PPP2R2C: variants seen among roughly 807,000 people sequenced by gnomAD.
The protein encoded by PPP2R2C is protein phosphatase 2, regulatory subunit B, gamma.
In PPP2R2C, 10 loss-of-function variants were observed where a neutral mutation model predicts 45.3. That is an observed-to-expected ratio of 0.22 (90% confidence interval 0.14 to 0.37). PPP2R2C has a LOEUF of 0.37. Among genes scored for constraint, PPP2R2C ranks in the 10% least tolerant of loss-of-function variants. The probability of loss-of-function intolerance (pLI) is 1.00; values close to 1 mark genes in which losing one functional copy is unlikely to be tolerated. For missense variants in PPP2R2C, 308 were observed against 619.7 expected (o/e 0.50, Z 5.34); for synonymous variants, 257 against 245.4 (o/e 1.05, Z -0.44).
At chr4:6,355,985 T>A (rs1713142534) in intron 5 of PPP2R2C, among the ~76,000 whole-genome samples, 1 of 82,384 alleles carries the variant, frequency 1.2e-5, no homozygotes, top group South Asian at 5.2e-4. Context: ...AGAGTGAGAC[T>A]CTGCCTGGAA....
At chr4:6,327,336 G>A (rs1011827704) in intron 8 of PPP2R2C, among the ~76,000 whole-genome samples, 4 of 152,174 alleles carry the variant, frequency 2.6e-5, no homozygotes, top group Admixed American at 1.3e-4. Context: ...TAAAGTGCAC[G>A]CAGGAAGTGG....
intron 2 of PPP2R2C, 75 bp downstream of exon 2, chr4:6,380,922 C>T: frequency 1.4e-6 from 2 of 1,451,936 alleles, no homozygotes; most frequent in Non-Finnish European, 1.8e-6. Context: ...TCCTTATCCC[C>T]TCCCACCATG....
chr4:6,510,981 A>AAC (rs771282762), intron 2 of PPP2R2C, among the ~76,000 whole-genome samples: 821 of 62,250 alleles, frequency 0.013, 12 homozygotes, highest in South Asian at 0.047. Flanking sequence ...CGTCTCAAAC[A>AAC]AAAAAAAACA....
intron 1 of PPP2R2C, among the ~76,000 whole-genome samples, chr4:6,389,263 A>G (rs1259415208): frequency 6.6e-6 from 1 of 152,184 alleles, no homozygotes; most frequent in Admixed American, 6.5e-5. Flanking sequence ...TGCAGACAGG[A>G]GATGAAGATG....
At chr4:6,512,356 CTGATGG>C (rs1560595279) in intron 2 of PPP2R2C, among the ~76,000 whole-genome samples, 2 of 2,088 alleles carry the variant, frequency 9.6e-4, no homozygotes, top group Non-Finnish European at 8.9e-4. Flanking sequence ...GGTGATGGTG[CTGATGG>C]TGGTGGTGGT....
chr4:6,392,727 C>T (rs1716739961), intron 1 of PPP2R2C, among the ~76,000 whole-genome samples: 1 of 152,216 alleles, frequency 6.6e-6, no homozygotes, highest in African/African-American at 2.4e-5. Context: ...TTTTATTCTG[C>T]ATGAGCTGGG....
intron 1 of PPP2R2C, among the ~76,000 whole-genome samples, chr4:6,385,728 C>T (rs1716163882): frequency 6.6e-6 from 1 of 152,126 alleles, no homozygotes; most frequent in South Asian, 2.1e-4. Context: ...TGCCACCACA[C>T]CCAGCTAATT....
chr4:6,456,651 G>C (rs892182567), intron 1 of PPP2R2C, among the ~76,000 whole-genome samples: 1 of 152,346 alleles, frequency 6.6e-6, no homozygotes, highest in East Asian at 1.9e-4. Flanking sequence ...CTGGAGGGCT[G>C]CACACTGAAC....
chr4:6,473,278 GT>G (rs1267864524), upstream of PPP2R2C, among the ~76,000 whole-genome samples: 1 of 152,068 alleles, frequency 6.6e-6, no homozygotes, highest in African/African-American at 2.4e-5. Flanking sequence ...TGGAAAATGC[GT>G]CCCCCTCCTC....
intron 2 of PPP2R2C, 116 bp downstream of exon 2, chr4:6,380,881 C>A: frequency 1.4e-6 from 2 of 1,414,120 alleles, no homozygotes; most frequent in Non-Finnish European, 1.9e-6. Flanking sequence ...TCCCCTCCCA[C>A]CTCTCACCGC....
intron 5 of PPP2R2C, among the ~76,000 whole-genome samples, chr4:6,365,485 G>T (rs1714217701): frequency 6.6e-6 from 1 of 152,172 alleles, no homozygotes; most frequent in Non-Finnish European, 1.5e-5. Flanking sequence ...ACAGCTCCTG[G>T]TAAAGGAGAC....
rs201631271 is a variant in PPP2R2C at position 6,329,679 on chromosome 4, CG to C, written c.961-327del. Reference sequence around the variant, plus strand: ...CCCAATACAGCCCTGCTCATCTTATCGGGGGCCCACGACCAGGCACACGGCT... The same window carrying C: ...CCCAATACAGCCCTGCTCATCTTATCGGGGCCCACGACCAGGCACACGGCT... On this transcript the variant is annotated intron_variant, in intron 7 of 8. Coordinates refer to ENST00000382599, the MANE Select transcript of PPP2R2C (RefSeq NM_020416.4). This position sits in a 1 kb window ranked among gnomAD's most constrained non-coding sequence, Gnocchi z 5.8. 6.7e-6 allele frequency among the ~76,000 whole-genome samples: 1 copy of C among 150,180 alleles called. No individual in the cohort carries two copies. Among genetic ancestry groups the C allele is most frequent in the Non-Finnish European group, 1.5e-5 (1 of 67,656 alleles).
intron 5 of PPP2R2C, among the ~76,000 whole-genome samples, chr4:6,363,067 G>A (rs557854232): frequency 6.6e-6 from 1 of 152,174 alleles, no homozygotes. Flanking sequence ...GGGGTGGGAG[G>A]TGGAGATGCT....
At chr4:6,386,700 T>C (rs1200868113) in intron 1 of PPP2R2C, among the ~76,000 whole-genome samples, 1 of 152,116 alleles carries the variant, frequency 6.6e-6, no homozygotes, top group Non-Finnish European at 1.5e-5. Flanking sequence ...TATATGAAGA[T>C]ATACAAAGAA....
At position 6,413,873 on chromosome 4, in the gene PPP2R2C, C is replaced by T. The variant is rs1400419424; in HGVS notation, c.71-32779G>A. 28 of 1,535,950 alleles carry T rather than the reference C, an allele frequency of 1.8e-5. No individual in the cohort carries two copies. In the Admixed American group the frequency reaches 3.3e-4, roughly 18 times the overall value. ...AGCTCCACGATGGGGACCCTCCCAA[C>T]TCTCATGATGCCCCACAGCCCCTGC... On this transcript the variant is annotated intron_variant, in intron 1 of 8. Transcript: ENST00000382599.
chr4:6,550,078 A>C (rs1393568922), intron 1 of PPP2R2C, among the ~76,000 whole-genome samples: 3 of 151,980 alleles, frequency 2.0e-5, no homozygotes, highest in Non-Finnish European at 4.4e-5. Context: ...GGGACAGCCA[A>C]TGGCTCATCC....
chr4:6,561,377 C>T (rs186515153), intron 1 of PPP2R2C, among the ~76,000 whole-genome samples: 249 of 152,182 alleles, frequency 1.6e-3, no homozygotes, highest in Non-Finnish European at 2.6e-3. Context: ...GCACTTTTAA[C>T]CACACTTTCC....
intron 2 of PPP2R2C, among the ~76,000 whole-genome samples, chr4:6,501,519 T>A (rs576915744): frequency 6.6e-6 from 1 of 152,310 alleles, no homozygotes; most frequent in African/African-American, 2.4e-5. Flanking sequence ...GGGAGGAGAA[T>A]CTCATGGGCA....
intron 5 of PPP2R2C, among the ~76,000 whole-genome samples, chr4:6,357,060 G>A (rs902284903): frequency 2.0e-5 from 3 of 150,926 alleles, no homozygotes; most frequent in Non-Finnish European, 3.0e-5. Context: ...GACAGGGACA[G>A]CGAGGTGCTG....
Sources: allele counts gnomAD v4.1 joint callset (sites outside exome capture counted in the v4.1 genomes callset), GRCh38; gene constraint gnomAD v4.1.1; non-coding constraint Gnocchi (gnomAD v3.1); transcripts MANE v1.5; gene names NCBI Gene and HGNC (gene_info 2026-07-23, HGNC 2026-07-21).